ERBB4: variants seen among roughly 807,000 people sequenced by gnomAD.
ERBB4 encodes the protein erb-b2 receptor tyrosine kinase 4.
In ERBB4, 42 loss-of-function variants were observed where a neutral mutation model predicts 158.0. The ratio of observed to expected loss-of-function variants is 0.27; its 90% CI spans 0.21 to 0.34. ERBB4 has a LOEUF of 0.34. ERBB4 is among the 10% of genes least tolerant of loss of function. ERBB4 has a pLI of 1.00. For missense variants in ERBB4, 1,333 were observed against 1,624.1 expected, an observed-to-expected ratio of 0.82 and a Z score of 3.08; for synonymous variants, 583 against 558.7, an observed-to-expected ratio of 1.04 and a Z score of -0.61.
In ERBB4 at chr2:212,513,608, C is replaced by G. The variant is rs147904158; in HGVS notation, c.82+24841G>C. Among the ~76,000 whole-genome samples the G allele has an allele frequency of 4.3e-3, 652 of 152,146 alleles. 5 individuals are homozygous for G. Among genetic ancestry groups the G allele is most frequent in the South Asian group, 0.038 (184 of 4,818 alleles). ...CGGGTGGATCAAGAGGTCAGGAGAT[C>G]GAGACCATCTTGGCTAACACGGTGA... On this transcript the variant is annotated intron_variant, in intron 1 of 27. Transcript: ENST00000342788.
intron 2 of ERBB4, among the ~76,000 whole-genome samples, chr2:212,061,384 G>C (rs1193225194): frequency 6.7e-6 from 1 of 149,626 alleles, no homozygotes; most frequent in African/African-American, 2.5e-5. Context: ...ACCCAGGAGG[G>C]GGAGGTTGCA....
At position 212,525,499 on chromosome 2, in the gene ERBB4, A is replaced by G. The variant is rs956904316; in HGVS notation, c.82+12950T>C. 2.0e-5 allele frequency among the ~76,000 whole-genome samples: 3 copies of G among 152,050 alleles called. No individual in the cohort carries two copies. In the East Asian group the frequency reaches 5.8e-4, roughly 29 times the overall value. ...AAGTCATGACAAATCCTTAACAGAT[A>G]TATAAATAACATTACAACTCTGAAT... On this transcript the variant is annotated intron_variant, in intron 1 of 27. Coordinates refer to ENST00000342788, the MANE Select transcript of ERBB4 (RefSeq NM_005235.3).
chr2:212,078,826 TA>T (rs1317612860), intron 2 of ERBB4, among the ~76,000 whole-genome samples: 1 of 151,238 alleles, frequency 6.6e-6, no homozygotes, highest in African/African-American at 2.4e-5. Flanking sequence ...TAATTACTAA[TA>T]GTTTATAACA....
At chr2:212,017,921 A>G (rs115263786) in intron 2 of ERBB4, among the ~76,000 whole-genome samples, 2,834 of 152,286 alleles carry the variant, frequency 0.019, 45 homozygotes, top group Middle Eastern at 0.034. Flanking sequence ...TCTGACAAAG[A>G]TAATGTTTTA....
rs370444871 is a variant in ERBB4 at position 211,994,089 on chromosome 2, C to CT, written c.235-46474_235-46473insA. Among the ~76,000 whole-genome samples, 552 of 151,988 alleles carry CT rather than the reference C, an allele frequency of 3.6e-3. 2 individuals carry two copies. Among genetic ancestry groups the CT allele is most frequent in the African/African-American group, 0.013 (527 of 41,452 alleles). On this transcript the variant is annotated intron_variant, in intron 2 of 27. Transcript: ENST00000342788. ...CTCACTGCTTTAATTTTTATATAGTCAAATCTATCTATATCTATATGTCTA... is the reference window on the plus strand; with the variant it reads ...CTCACTGCTTTAATTTTTATATAGTCTAAATCTATCTATATCTATATGTCTA...
At chr2:211,851,451 A>T (rs2077719128) in intron 3 of ERBB4, among the ~76,000 whole-genome samples, 1 of 151,926 alleles carries the variant, frequency 6.6e-6, no homozygotes, top group African/African-American at 2.4e-5. Context: ...TCTGGGTCAA[A>T]ATGTTGTGGC....
chr2:211,814,155 A>G, intron 3 of ERBB4, among the ~76,000 whole-genome samples: 1 of 152,114 alleles, frequency 6.6e-6, no homozygotes, highest in East Asian at 1.9e-4. Flanking sequence ...TCTAAAATAC[A>G]CCTTAGGCAT....
intron 16 of ERBB4, among the ~76,000 whole-genome samples, chr2:211,631,214 G>T (rs1334874949): frequency 2.0e-5 from 3 of 152,072 alleles, no homozygotes; most frequent in African/African-American, 7.2e-5. Context: ...CCCCCAGTTA[G>T]GAAGCACTGC....
chr2:211,442,309 A>T (rs1489542670), intron 20 of ERBB4, among the ~76,000 whole-genome samples: 1 of 152,142 alleles, frequency 6.6e-6, no homozygotes, highest in East Asian at 1.9e-4. Flanking sequence ...CCTCCACAAG[A>T]TCTTCCCCAA....
chr2:211,513,566 T>A (rs928227397), intron 20 of ERBB4, among the ~76,000 whole-genome samples: 1 of 152,062 alleles, frequency 6.6e-6, no homozygotes, highest in Admixed American at 6.5e-5. Context: ...TGTGGAGAAC[T>A]TGGCCCTGCA....
intron 1 of ERBB4, among the ~76,000 whole-genome samples, chr2:212,340,410 C>A (rs914707932): frequency 9.9e-5 from 15 of 152,096 alleles, no homozygotes; most frequent in African/African-American, 3.6e-4. Flanking sequence ...TTATATCATA[C>A]AATAGAATGA....
At chr2:211,645,303 TCA>T (rs1386650339) in intron 16 of ERBB4, among the ~76,000 whole-genome samples, 2 of 151,620 alleles carry the variant, frequency 1.3e-5, no homozygotes. Context: ...GGAGAAGCCC[TCA>T]CAATCTATTC....
intron 20 of ERBB4, among the ~76,000 whole-genome samples, chr2:211,450,152 G>T (rs949407035): frequency 1.6e-4 from 24 of 152,180 alleles, no homozygotes; most frequent in Admixed American, 3.9e-4. Context: ...GCAGAACTGG[G>T]ATTAGAGAAA....
chr2:212,111,511 T>G (rs1336122380), intron 2 of ERBB4, among the ~76,000 whole-genome samples: 4 of 152,200 alleles, frequency 2.6e-5, no homozygotes, highest in African/African-American at 9.7e-5. Context: ...TCTTTCCCCC[T>G]ATGCTATGGT....
At chr2:212,399,743 G>T in intron 1 of ERBB4, among the ~76,000 whole-genome samples, 1 of 150,308 alleles carries the variant, frequency 6.7e-6, no homozygotes, top group Non-Finnish European at 1.5e-5. Context: ...TGCTGGCATG[G>T]TGGCATGTGC....
chr2:211,736,472 C>G (rs1025723311), intron 5 of ERBB4, among the ~76,000 whole-genome samples: 2 of 152,042 alleles, frequency 1.3e-5, no homozygotes, highest in Non-Finnish European at 1.5e-5. Flanking sequence ...AAGTTGCAAC[C>G]AGCAATCTGA....
At chr2:211,606,789 G>C (rs1436311076) in intron 19 of ERBB4, among the ~76,000 whole-genome samples, 1 of 152,136 alleles carries the variant, frequency 6.6e-6, no homozygotes, top group East Asian at 1.9e-4. Context: ...TAAGAGTATA[G>C]TAGCACATTC....
intron 20 of ERBB4, among the ~76,000 whole-genome samples, chr2:211,545,396 T>G (rs1373636404): frequency 6.6e-6 from 1 of 151,984 alleles, no homozygotes; most frequent in Non-Finnish European, 1.5e-5. Flanking sequence ...ACATAGAAAT[T>G]AGCACAAGAC....
chr2:211,709,258 T>TATATATATATACATACATATATATATAC (rs1559443044), intron 9 of ERBB4, among the ~76,000 whole-genome samples: 17 of 103,932 alleles, frequency 1.6e-4, no homozygotes, highest in African/African-American at 5.3e-4. Flanking sequence ...TATACACATA[T>TATATATATATACATACATATATATATAC]ATATATATAT....
Sources: gnomAD v4.1 joint callset for allele counts (sites outside exome capture counted in the v4.1 genomes callset) on GRCh38, gnomAD v4.1.1 for gene constraint, MANE v1.5 for transcripts, NCBI Gene and HGNC (gene_info 2026-07-23, HGNC 2026-07-21) for gene names.